Variants in ITGB3BP observed in about 807,000 individuals in gnomAD.
ITGB3BP encodes integrin subunit beta 3 binding protein, also known as centromere protein R.
Under a neutral mutation model 29.1 loss-of-function variants are expected in ITGB3BP, and 27 were observed. The ratio of observed to expected loss-of-function variants is 0.93; its 90% CI spans 0.68 to 1.28. The LOEUF (loss-of-function observed/expected upper bound fraction) is 1.28, where lower values mean the gene tolerates loss of function less well. ITGB3BP is among the 50% of genes most tolerant of loss of function. ITGB3BP has a pLI of 0.00. For synonymous variants in ITGB3BP, 61 were observed against 61.4 expected, an observed-to-expected ratio of 0.99 and a Z score of 0.03; for missense variants, 192 against 200.2, an observed-to-expected ratio of 0.96 and a Z score of 0.25.
intron 1 of ITGB3BP, among the ~76,000 whole-genome samples, chr1:63,510,561 G>A (rs948234160): frequency 4.6e-5 from 7 of 152,010 alleles, no homozygotes; most frequent in Admixed American, 2.0e-4. Context: ...CAGATAATTC[G>A]GACATCTAAT....
chr1:63,503,367 T>A (rs1645988489), intron 2 of ITGB3BP, among the ~76,000 whole-genome samples: 1 of 151,918 alleles, frequency 6.6e-6, no homozygotes, highest in African/African-American at 2.4e-5. Context: ...GGGTTGTTTT[T>A]TTCTTGTAAA....
At chr1:63,444,667 TCTC>T (rs1644769661) in intron 8 of ITGB3BP, among the ~76,000 whole-genome samples, 1 of 137,194 alleles carries the variant, frequency 7.3e-6, no homozygotes, top group African/African-American at 2.6e-5. Flanking sequence ...TATATATATA[TCTC>T]CTATTACATA....
intron 8 of ITGB3BP, chr1:63,446,497 C>G (rs1231503270): frequency 2.5e-5 from 7 of 277,836 alleles, no homozygotes; most frequent in Middle Eastern, 1.1e-3. Flanking sequence ...GTCTATTTAG[C>G]TATTTATATG....
chr1:63,497,871 T>A lies in ITGB3BP; in HGVS notation c.49-7653A>T, dbSNP rs1349900873. On this transcript the variant is annotated intron_variant, in intron 2 of 8. Coordinates refer to ENST00000271002, the MANE Select transcript of ITGB3BP (RefSeq NM_014288.5). The stretch of plus-strand genomic sequence containing the variant: ...TGTGTTTATTTGATGGTCAATTTGC[T>A]GTACTGGGCACTTCTTTTCTGTTGC... Among the ~76,000 whole-genome samples the A allele has an allele frequency of 5.3e-5, 8 of 152,206 alleles. No homozygotes were observed. In the South Asian group the frequency reaches 1.0e-3, roughly 20 times the overall value.
At chr1:63,451,053 T>C (rs1056068658) in intron 7 of ITGB3BP, among the ~76,000 whole-genome samples, 2 of 151,902 alleles carry the variant, frequency 1.3e-5, no homozygotes, top group African/African-American at 4.8e-5. Context: ...TGACATTAAC[T>C]GAAATTCCCA....
In ITGB3BP at chr1:63,446,874, GGTT is replaced by G. The variant is rs754505348; in HGVS notation, c.485-21_485-19del. ...ACGTGATGCTATATGAAAGAAGAAA[GGTT>G]TTTTTTTTCAGAAAACAATTCAAAG... is the stretch of plus-strand genomic sequence containing the variant. On this transcript the variant is annotated intron_variant, in intron 7 of 8. Transcript: ENST00000271002. The G allele has an allele frequency of 1.0e-5, 15 of 1,465,334 alleles. No individual in the cohort carries two copies. The highest frequency in any genetic ancestry group is 1.4e-5 in the Non-Finnish European group (15 of 1,077,134). The allele number at this position is 1,465,334 out of a possible 1,614,324, so 90.8% of individuals were successfully genotyped here.
intron 4 of ITGB3BP, among the ~76,000 whole-genome samples, chr1:63,468,340 T>G (rs1645135699): frequency 1.3e-5 from 2 of 152,096 alleles, no homozygotes; most frequent in Admixed American, 1.3e-4. Context: ...GGGTAACGAG[T>G]GATTTAAAGA....
At chr1:63,514,431 T>C (rs1646265930) in intron 1 of ITGB3BP, among the ~76,000 whole-genome samples, 1 of 152,200 alleles carries the variant, frequency 6.6e-6, no homozygotes, top group African/African-American at 2.4e-5. Context: ...TAGGTGTATA[T>C]TTATTTAATT....
chr1:63,472,738 A>C (rs1488667705), intron 4 of ITGB3BP, among the ~76,000 whole-genome samples: 1 of 150,170 alleles, frequency 6.7e-6, no homozygotes, highest in Middle Eastern at 3.2e-3. Context: ...CGGCCTCCCG[A>C]GGCGCCGGGA....
chr1:63,456,162 ATTT>A (rs1302105969), intron 4 of ITGB3BP, among the ~76,000 whole-genome samples: 1 of 152,150 alleles, frequency 6.6e-6, no homozygotes, highest in African/African-American at 2.4e-5. Flanking sequence ...AGTCATTGAC[ATTT>A]TTGTTATTAA....
At chr1:63,484,360 T>C (rs942094916) in intron 3 of ITGB3BP, among the ~76,000 whole-genome samples, 3 of 152,122 alleles carry the variant, frequency 2.0e-5, no homozygotes. Flanking sequence ...ATCCCCCAGA[T>C]AGGAAGGGAC....
chr1:63,512,244 A>G (rs1056545253), intron 1 of ITGB3BP, among the ~76,000 whole-genome samples: 5 of 152,082 alleles, frequency 3.3e-5, no homozygotes, highest in African/African-American at 1.2e-4. Flanking sequence ...TGTTTGTATA[A>G]TTATATTATT....
chr1:63,492,555 A>T (rs894537561), intron 2 of ITGB3BP, among the ~76,000 whole-genome samples: 1 of 152,038 alleles, frequency 6.6e-6, no homozygotes, highest in Non-Finnish European at 1.5e-5. Flanking sequence ...CAACTCCCAA[A>T]CTTTGAAGAT....
intron 2 of ITGB3BP, among the ~76,000 whole-genome samples, chr1:63,492,889 G>T (rs145985820): frequency 1.4e-5 from 2 of 147,802 alleles, no homozygotes; most frequent in South Asian, 2.2e-4. Context: ...TGGGAGGATT[G>T]CTTGAGCTCA....
Position 63,454,041 on chromosome 1 carries a change from A to G in ITGB3BP, c.428-67T>C. 1 of 844,566 alleles carries G rather than the reference A, an allele frequency of 1.2e-6. No individual in the cohort carries two copies. Among genetic ancestry groups the G allele is most frequent in the Admixed American group, 2.2e-5 (1 of 45,194 alleles). The allele number at this position is 844,566 out of a possible 1,614,324, so 52.3% of individuals were successfully genotyped here. A position where few individuals can be genotyped will look rare whatever the true frequency, so the allele number is the denominator to read the frequency against. On this transcript the variant is annotated intron_variant, in intron 6 of 8. Transcript: ENST00000271002. This position sits in a 1 kb window ranked among gnomAD's most constrained non-coding sequence, Gnocchi z 4.1. ...TATGGATAATTTCTCAATACTTGCA[A>G]CAAACAACTTCATGAGAAAAAAATA... is the stretch of plus-strand genomic sequence containing the variant.
At chr1:63,494,203 G>C (rs1386603829) in intron 2 of ITGB3BP, among the ~76,000 whole-genome samples, 1 of 151,724 alleles carries the variant, frequency 6.6e-6, no homozygotes, top group Non-Finnish European at 1.5e-5. Flanking sequence ...GCAGTGGCAC[G>C]GTCTTGGCTC....
intron 1 of ITGB3BP, chr1:63,510,144 C>A: frequency 1.6e-6 from 1 of 618,002 alleles, no homozygotes; most frequent in South Asian, 1.8e-5. Flanking sequence ...GAACGGAAAT[C>A]GTGCCATTGC....
chr1:63,490,230 T>C lies in ITGB3BP; in HGVS notation c.49-12A>G. On this transcript the variant is annotated splice_polypyrimidine_tract_variant and intron_variant, in intron 2 of 8. Coordinates refer to ENST00000271002, the MANE Select transcript of ITGB3BP (RefSeq NM_014288.5). ...GAAGGATCAAATGACTGGAAATAAA[T>C]AATAATTAAGGACAGAAATAGCTAT... is the stretch of plus-strand genomic sequence containing the variant. 1.3e-6 allele frequency: 2 copies of C among 1,521,582 alleles called. No individual in the cohort carries two copies. Among genetic ancestry groups the C allele is most frequent in the Non-Finnish European group, 1.8e-6 (2 of 1,105,322 alleles). 94.3% of individuals were successfully genotyped at this position (1,521,582 alleles called of 1,614,324 possible).
At chr1:63,506,246 T>C (rs1450647347) in intron 2 of ITGB3BP, among the ~76,000 whole-genome samples, 1 of 152,230 alleles carries the variant, frequency 6.6e-6, no homozygotes, top group East Asian at 1.9e-4. Context: ...TCTTGTTGAA[T>C]TGATCCCTTT....
Sources: gnomAD v4.1 joint callset for allele counts (sites outside exome capture counted in the v4.1 genomes callset) on GRCh38, gnomAD v4.1.1 for gene constraint, Gnocchi (gnomAD v3.1) non-coding constraint, MANE v1.5 for transcripts, NCBI Gene and HGNC (gene_info 2026-07-23, HGNC 2026-07-21) for gene names.